Variants in MEIOSIN observed in about 807,000 individuals in gnomAD.
The protein encoded by MEIOSIN is meiosis initiator.
A neutral mutation model predicts 23.4 loss-of-function variants in MEIOSIN; 18 were observed. The ratio of observed to expected loss-of-function variants is 0.77; its 90% CI spans 0.53 to 1.14. MEIOSIN has a LOEUF of 1.14. Ranked by LOEUF, MEIOSIN falls within the 50% of genes most tolerant of loss-of-function variation. The probability of loss-of-function intolerance (pLI) is 0.00; values close to 1 mark genes in which losing one functional copy is unlikely to be tolerated. For missense variants in MEIOSIN, 428 were observed against 242.9 expected (o/e 1.76, Z -5.07); for synonymous variants, 187 against 100.6 (o/e 1.86, Z -5.14).
At chr19:45,755,893 C>G (rs1968815872) in intron 7 of MEIOSIN, 77 bp from the exon 8 acceptor site, 11 of 652,028 alleles carry the variant, frequency 1.7e-5, no homozygotes, top group South Asian at 1.7e-4. Context: ...GAAGCTGGCA[C>G]CCCTTTGTCC....
chr19:45,744,051 T>C (rs1375033816), intron 3 of MEIOSIN, among the ~76,000 whole-genome samples: 1 of 96,042 alleles, frequency 1.0e-5, no homozygotes, highest in African/African-American at 2.8e-5. Flanking sequence ...TATTTTTACT[T>C]TTTTTTTTTT....
At chr19:45,747,627 C>A (rs1968618560) in intron 4 of MEIOSIN, among the ~76,000 whole-genome samples, 2 of 152,200 alleles carry the variant, frequency 1.3e-5, no homozygotes, top group Admixed American at 1.3e-4. Context: ...AGGTGTCAGA[C>A]CTTGAGTGCT....
In MEIOSIN at chr19:45,739,672, C is replaced by T. The variant is rs1968466254; in HGVS notation, c.118C>T (p.Pro40Ser). 4 of 703,358 alleles carry T rather than the reference C, an allele frequency of 5.7e-6. No homozygotes were observed. The highest frequency in any genetic ancestry group is 1.0e-5 in the Non-Finnish European group (4 of 385,092). 43.6% of individuals were successfully genotyped at this position (703,358 alleles called of 1,614,324 possible). A position where few individuals can be genotyped will look rare whatever the true frequency, so the allele number is the denominator to read the frequency against. Reference protein sequence around the residue: ...SLVEGEDKVNPSEPHGLRMEE... With the variant: ...SLVEGEDKVNSSEPHGLRMEE... ...AGTGGAAGGGGAAGATAAGGTCAAC[C>T]CCTCCGAACCACATGGACTGAGAAT... Residue 40 changes from proline to serine, a missense_variant, in exon 3 of 15, where the codon CCC becomes TCC. Transcript: ENST00000457052.
Position 45,753,640 on chromosome 19 carries a change from C to T in MEIOSIN, c.419-11C>T, listed in dbSNP as rs146268594. 842 of 698,570 alleles carry T rather than the reference C, an allele frequency of 1.2e-3. 8 individuals are homozygous for T. The African/African-American group carries it at 0.013, about 11-fold the overall frequency. 43.3% of individuals were successfully genotyped at this position (698,570 alleles called of 1,614,324 possible). A position where few individuals can be genotyped will look rare whatever the true frequency, so the allele number is the denominator to read the frequency against. ...GGGGGATCTGAGCTGTTTCCCTCTCCATCCCTGCAGGGCTGGGTCAGAAAC... is the reference window on the plus strand; with the variant it reads ...GGGGGATCTGAGCTGTTTCCCTCTCTATCCCTGCAGGGCTGGGTCAGAAAC... On this transcript the variant is annotated splice_polypyrimidine_tract_variant and intron_variant, in intron 5 of 14. Transcript: ENST00000457052.
chr19:45,744,258 G>T (rs538888544), intron 3 of MEIOSIN, among the ~76,000 whole-genome samples: 26 of 151,178 alleles, frequency 1.7e-4, no homozygotes, highest in Non-Finnish European at 3.5e-4. Flanking sequence ...GACCTCAAGT[G>T]ATCAGCCCAC....
At position 45,761,423 on chromosome 19, in the gene MEIOSIN, ATTTTTTTTTT is replaced by A. The variant is rs35838022; in HGVS notation, c.1246-237_1246-228del. 3.2e-3 allele frequency among the ~76,000 whole-genome samples: 190 copies of A among 59,846 alleles called. 1 individual carries two copies. Among genetic ancestry groups the A allele is most frequent in the African/African-American group, 0.011 (163 of 14,636 alleles). The allele number at this position is 59,846 out of a possible 152,430, so 39.3% of individuals were successfully genotyped here. On this transcript the variant is annotated intron_variant, in intron 11 of 14. Transcript: ENST00000457052. ...AGGCATGAGCCACTGCGCCTGGCCTATTTTTTTTTTTTTTTTTTTTTTTTTTTTGTAGAAC... is the reference window on the plus strand; with the variant it reads ...AGGCATGAGCCACTGCGCCTGGCCTATTTTTTTTTTTTTTTTTTGTAGAAC...
rs915552730 is a variant in MEIOSIN at position 45,764,419 on chromosome 19, A to G, written c.*301A>G. On this transcript the variant is annotated 3_prime_UTR_variant, in exon 15 of 15. Coordinates refer to ENST00000457052, the MANE Select transcript of MEIOSIN (RefSeq NM_001310124.2). The stretch of plus-strand genomic sequence containing the variant: ...CCTCTCCCCTTCCCTTCCCCACCCC[A>G]GAGCCACTCGGTTGCAACCCTGTTC... The G allele has an allele frequency of 2.7e-5, 8 of 298,074 alleles. No homozygotes were observed. Among genetic ancestry groups the G allele is most frequent in the Admixed American group, 1.1e-4 (2 of 17,734 alleles). The allele number at this position is 298,074 out of a possible 1,614,324, so 18.5% of individuals were successfully genotyped here.
intron 5 of MEIOSIN, among the ~76,000 whole-genome samples, chr19:45,752,207 C>T (rs1227971395): frequency 6.6e-6 from 1 of 151,730 alleles, no homozygotes; most frequent in Non-Finnish European, 1.5e-5. Flanking sequence ...CACGTGCCAC[C>T]AATATCCAGA....
At position 45,755,999 on chromosome 19, in the gene MEIOSIN, G is replaced by C. The variant is rs1043424296; in HGVS notation, c.832G>C (p.Asp278His). 10 of 702,758 alleles carry C rather than the reference G, an allele frequency of 1.4e-5. No homozygotes were observed. Among genetic ancestry groups the C allele is most frequent in the South Asian group, 5.9e-5 (4 of 67,588 alleles). The allele number at this position is 702,758 out of a possible 1,614,324, so 43.5% of individuals were successfully genotyped here. ...CTGGTGCCAGGGCAGTGTCCAGGATGACGCACCTTTCCCTGCGCTCCTGGC... is the reference window on the plus strand; with the variant it reads ...CTGGTGCCAGGGCAGTGTCCAGGATCACGCACCTTTCCCTGCGCTCCTGGC... ...SCWCQGSVQD[D>H]APFPALLAQE... Residue 278 changes from aspartate to histidine, a missense_variant, in exon 8 of 15, where the codon GAC (aspartate) becomes CAC (histidine). By Grantham distance (81) the Asp-to-His change is moderately conservative (BLOSUM62 -1). Transcript: ENST00000457052.
In MEIOSIN at chr19:45,759,580, C is replaced by G; in HGVS notation, c.1245+90C>G. On this transcript the variant is annotated intron_variant, in intron 11 of 14. Coordinates refer to ENST00000457052, the MANE Select transcript of MEIOSIN (RefSeq NM_001310124.2). ...GGCTTCATTCACTCATCCACTCCCT[C>G]ACCCTTTCAGCCACCATCTACCCAT... 7.4e-6 allele frequency: 5 copies of G among 679,800 alleles called. No individual in the cohort carries two copies. The South Asian group carries it at 7.7e-5, about 10-fold the overall frequency. 42.1% of individuals were successfully genotyped at this position (679,800 alleles called of 1,614,324 possible). A position where few individuals can be genotyped will look rare whatever the true frequency, so the allele number is the denominator to read the frequency against.
chr19:45,759,165 G>A (rs1011341334), intron 10 of MEIOSIN, 132 bp downstream of exon 10: 2 of 640,922 alleles, frequency 3.1e-6, no homozygotes, highest in East Asian at 5.4e-5. Context: ...ACGGCCTAGT[G>A]GGGGAGCAGC....
At chr19:45,739,751 G>C in intron 3 of MEIOSIN, 21 bp downstream of exon 3, 2 of 703,470 alleles carry the variant, frequency 2.8e-6, no homozygotes, top group Non-Finnish European at 5.2e-6. Flanking sequence ...CAGAAAAGGG[G>C]GGATTGGATG....
Position 45,753,759 on chromosome 19 carries a change from C to A in MEIOSIN, c.527C>A (p.Pro176His). 1 of 702,866 alleles carries A rather than the reference C, an allele frequency of 1.4e-6. No homozygotes were observed. The highest frequency in any genetic ancestry group is 2.7e-5 in the East Asian group (1 of 37,280). The allele number at this position is 702,866 out of a possible 1,614,324, so 43.5% of individuals were successfully genotyped here. ...TGTCTCCAGGGGGCGTGCCAGAAGC[C>A]TCGGAAGAAGAAGCTGACCCAGGCA... ...KSCLQGACQKPRKKKLTQASE... is the reference protein window; with the variant it reads ...KSCLQGACQKHRKKKLTQASE... Residue 176 changes from proline (P) to histidine (H), a missense_variant, in exon 6 of 15, where the codon CCT becomes CAT. Coordinates refer to ENST00000457052, the MANE Select transcript of MEIOSIN (RefSeq NM_001310124.2).
intron 2 of MEIOSIN, among the ~76,000 whole-genome samples, chr19:45,738,567 C>T (rs1008216453): frequency 1.3e-5 from 2 of 152,168 alleles, no homozygotes; most frequent in Non-Finnish European, 2.9e-5. Context: ...TGCAGTGAGC[C>T]AAGATCGCGC....
At position 45,733,891 on chromosome 19, in the gene MEIOSIN, T is replaced by A. The variant is rs1968366259; in HGVS notation, c.-1+225T>A. On this transcript the variant is annotated intron_variant, in intron 1 of 14. Transcript: ENST00000457052. This position sits in a 1 kb window ranked among gnomAD's most constrained non-coding sequence, Gnocchi z 5.7. Reference sequence around the variant, plus strand: ...CGGAAGACTCTGTTTGTGTTGGGAATCCGGGCTCTCGAGTTCTGATCTGGG... The same window carrying A: ...CGGAAGACTCTGTTTGTGTTGGGAAACCGGGCTCTCGAGTTCTGATCTGGG... Among the ~76,000 whole-genome samples the A allele has an allele frequency of 6.6e-6, 1 of 152,102 alleles. No homozygotes were observed. Among genetic ancestry groups the A allele is most frequent in the South Asian group, 2.1e-4 (1 of 4,810 alleles).
At chr19:45,751,162 C>G (rs1482709544) in intron 5 of MEIOSIN, among the ~76,000 whole-genome samples, 2 of 151,882 alleles carry the variant, frequency 1.3e-5, no homozygotes, top group Non-Finnish European at 2.9e-5. Context: ...ATCCCAGCTA[C>G]TTGGGAGGTT....
Position 45,758,980 on chromosome 19 carries a change from G to A in MEIOSIN, c.1115G>A (p.Gly372Glu). Residue 372 changes from glycine (G) to glutamate (E), a missense_variant, in exon 10 of 15, where the codon GGG (glycine) becomes GAG (glutamate). Physicochemically the swap from Gly to Glu is moderately conservative, Grantham distance 98 (BLOSUM62 -2). Transcript: ENST00000457052. The stretch of plus-strand genomic sequence containing the variant: ...AGCCCTAGCCTTTTCAGCTCCCCAG[G>A]GAAACTGCTGCCAGACGAGATCTTG... ...GLSPSLFSSP[G>E]KLLPDEILED... 1 of 703,092 alleles carries A rather than the reference G, an allele frequency of 1.4e-6. No homozygotes were observed. Among genetic ancestry groups the A allele is most frequent in the Non-Finnish European group, 2.6e-6 (1 of 385,020 alleles). 43.6% of individuals were successfully genotyped at this position (703,092 alleles called of 1,614,324 possible). A position where few individuals can be genotyped will look rare whatever the true frequency, so the allele number is the denominator to read the frequency against.
At chr19:45,745,451 T>C (rs1348354007) in intron 4 of MEIOSIN, 130 bp downstream of exon 4, 1 of 589,880 alleles carries the variant, frequency 1.7e-6, no homozygotes, top group Non-Finnish European at 3.0e-6. Context: ...ATGGTGCTAC[T>C]CTGAACGGGA....
intron 9 of MEIOSIN, among the ~76,000 whole-genome samples, 170 bp from the exon 10 acceptor site, chr19:45,758,708 C>T (rs894255086): frequency 1.3e-5 from 2 of 152,222 alleles, no homozygotes; most frequent in South Asian, 2.1e-4. Flanking sequence ...GGGTTACAGG[C>T]GTGAGCCATC....
Sources: allele counts gnomAD v4.1 joint callset (sites outside exome capture counted in the v4.1 genomes callset), GRCh38; gene constraint gnomAD v4.1.1; non-coding constraint Gnocchi (gnomAD v3.1); transcripts MANE v1.5; gene names NCBI Gene and HGNC (gene_info 2026-07-23, HGNC 2026-07-21).